Variants in OPRM1 observed in about 807,000 individuals in gnomAD.
OPRM1 encodes mu-type opioid receptor.
In OPRM1, 27 loss-of-function variants were observed where a neutral mutation model predicts 31.8. That is an observed-to-expected ratio of 0.85 (90% CI 0.63 to 1.17). The LOEUF (loss-of-function observed/expected upper bound fraction) is 1.17, where lower values mean the gene tolerates loss of function less well. Among genes scored for constraint, OPRM1 ranks in the 50% most tolerant of loss-of-function variants. The pLI is 0.00. For synonymous variants in OPRM1, 196 were observed against 189.9 expected, an observed-to-expected ratio of 1.03 and a Z score of -0.26; for missense variants, 536 against 511.1, an observed-to-expected ratio of 1.05 and a Z score of -0.47.
At chr6:154,087,712 G>A in intron 1 of OPRM1, 1 of 442,284 alleles carries the variant, frequency 2.3e-6, no homozygotes, top group South Asian at 9.4e-5. Flanking sequence ...TCACGCCCTG[G>A]ACTGGTAATA....
intron 1 of OPRM1, among the ~76,000 whole-genome samples, chr6:154,026,034 G>C (rs530282934): frequency 1.4e-4 from 21 of 152,134 alleles, no homozygotes; most frequent in Admixed American, 1.2e-3. Flanking sequence ...TCACCAGTGA[G>C]TTTTGTACCT....
At chr6:154,132,577 C>T (rs1419534878), downstream of OPRM1, among the ~76,000 whole-genome samples, 1 of 152,214 alleles carries the variant, frequency 6.6e-6, no homozygotes, top group Non-Finnish European at 1.5e-5. Context: ...ACAACCATAA[C>T]TTCCTAAGCT....
At position 154,100,224 on chromosome 6, in the gene OPRM1, G is replaced by GACATATATCA. The variant is rs1404046403; in HGVS notation, c.1164+8752_1164+8753insACATATATCA. Among the ~76,000 whole-genome samples, 47 of 45,794 alleles carry GACATATATCA rather than the reference G, an allele frequency of 1.0e-3. 12 individuals are homozygous for GACATATATCA. Among genetic ancestry groups the GACATATATCA allele is most frequent in the Admixed American group, 2.6e-3 (9 of 3,528 alleles). The allele number at this position is 45,794 out of a possible 152,430, so 30.0% of individuals were successfully genotyped here. ...ATATATTATCATATTATGACATATCGTAATATATATTATCATATTATGACA... is the reference window on the plus strand; with the variant it reads ...ATATATTATCATATTATGACATATCGACATATATCATAATATATATTATCATATTATGACA... On this transcript the variant is annotated intron_variant, in intron 3 of 3. Coordinates refer to ENST00000330432, the MANE Select transcript of OPRM1 (RefSeq NM_000914.5).
downstream of OPRM1, among the ~76,000 whole-genome samples, chr6:154,135,067 C>T (rs560578196): frequency 5.4e-4 from 82 of 152,310 alleles, no homozygotes; most frequent in African/African-American, 1.9e-3. Flanking sequence ...ATTCTAACAA[C>T]GCTTTTTAAA....
chr6:154,183,153 G>A (rs781495582), intron 3 of OPRM1, among the ~76,000 whole-genome samples: 16 of 151,812 alleles, frequency 1.1e-4, no homozygotes, highest in Non-Finnish European at 1.9e-4. Flanking sequence ...CTAATTTTTT[G>A]TATTTTTAGT....
At chr6:154,052,677 A>C (rs925015482) in intron 1 of OPRM1, among the ~76,000 whole-genome samples, 3 of 152,234 alleles carry the variant, frequency 2.0e-5, no homozygotes, top group African/African-American at 7.2e-5. Flanking sequence ...AACATCTTAA[A>C]TAAAATTTTA....
intron 3 of OPRM1, chr6:154,223,126 A>T (rs1049268017): frequency 7.2e-7 from 1 of 1,391,000 alleles, no homozygotes; most frequent in African/African-American, 1.4e-5. Flanking sequence ...ATGAAGAGAT[A>T]GTATCCTGGC....
upstream of OPRM1, among the ~76,000 whole-genome samples, chr6:154,037,092 A>G (rs1287217828): frequency 6.6e-6 from 1 of 152,044 alleles, no homozygotes; most frequent in Non-Finnish European, 1.5e-5. Context: ...CTTAAAAGTA[A>G]AAAAATCTAT....
chr6:154,014,933 A>G (rs1185112695), intron 1 of OPRM1, among the ~76,000 whole-genome samples: 3 of 152,192 alleles, frequency 2.0e-5, no homozygotes, highest in African/African-American at 7.2e-5. Flanking sequence ...TATCTGATAT[A>G]GCCAAAATGT....
chr6:154,090,199 G>C, intron 2 of OPRM1, 21 bp downstream of exon 2: 1 of 1,527,574 alleles, frequency 6.5e-7, no homozygotes, highest in Non-Finnish European at 9.0e-7. Context: ...TTACCAGCCT[G>C]AGGGAAGGAG....
chr6:154,039,217 G>A (rs760385507), upstream of OPRM1: 1 of 1,551,638 alleles, frequency 6.4e-7, no homozygotes, highest in South Asian at 1.2e-5. Flanking sequence ...ATCGCTTTGC[G>A]CAAAATCCAC....
At chr6:154,162,053 T>G (rs115237870) in intron 3 of OPRM1, among the ~76,000 whole-genome samples, 1,988 of 152,294 alleles carry the variant, frequency 0.013, 58 homozygotes, top group African/African-American at 0.045. Context: ...TTCTCCCAAG[T>G]TCCTATTGCC....
intron 3 of OPRM1, chr6:154,214,310 A>G (rs2293537): frequency 0.17 from 244,964 of 1,474,878 alleles, 20,587 homozygotes; most frequent in East Asian, 0.23. Flanking sequence ...TGTTGACCAA[A>G]GAGATTAGCC....
chr6:154,108,555 C>T (rs1795955113), intron 3 of OPRM1: 1 of 154,540 alleles, frequency 6.5e-6, no homozygotes, highest in Non-Finnish European at 1.4e-5. Flanking sequence ...AAAAGCTCCC[C>T]ATGTCCCGCG....
intron 3 of OPRM1, among the ~76,000 whole-genome samples, chr6:154,109,222 GT>G (rs1796044123): frequency 6.6e-6 from 1 of 152,174 alleles, no homozygotes; most frequent in South Asian, 2.1e-4. Context: ...GGACAACACA[GT>G]TTCTTCATAT....
At chr6:154,236,327 G>T (rs930278359) in intron 3 of OPRM1, among the ~76,000 whole-genome samples, 7 of 152,182 alleles carry the variant, frequency 4.6e-5, no homozygotes, top group African/African-American at 1.7e-4. Context: ...CCACTTATAG[G>T]AGGGAACTAC....
chr6:154,069,757 A>T (rs1786249720), intron 1 of OPRM1, among the ~76,000 whole-genome samples: 1 of 152,170 alleles, frequency 6.6e-6, no homozygotes, highest in Admixed American at 6.6e-5. Context: ...TATTGAAAAG[A>T]CTTCCCTTTC....
downstream of OPRM1, among the ~76,000 whole-genome samples, chr6:154,132,887 T>C (rs145354575): frequency 0.01 from 1,593 of 152,212 alleles, 37 homozygotes; most frequent in African/African-American, 0.035. Flanking sequence ...TTTGGGAGCC[T>C]GAGGTGGGTG....
intron 3 of OPRM1, among the ~76,000 whole-genome samples, chr6:154,106,507 A>T (rs1795595502): frequency 6.6e-6 from 1 of 152,186 alleles, no homozygotes; most frequent in Admixed American, 6.5e-5. Context: ...CATTTTATGA[A>T]GCATTTAGGA....
Sources: allele counts gnomAD v4.1 joint callset (sites outside exome capture counted in the v4.1 genomes callset), GRCh38; gene constraint gnomAD v4.1.1; transcripts MANE v1.5; gene names NCBI Gene and HGNC (gene_info 2026-07-23, HGNC 2026-07-21).